The following CUL3 variants were observed in gnomAD, a reference collection of about 807,000 sequenced individuals.
The protein encoded by CUL3 is cullin-3.
Under a neutral mutation model 89.1 loss-of-function variants are expected in CUL3, and 19 were observed. That is an observed-to-expected ratio of 0.21 (90% confidence interval 0.15 to 0.31). CUL3 has a LOEUF of 0.31. Among genes scored for constraint, CUL3 ranks in the 10% least tolerant of loss-of-function variants. The pLI, the probability that CUL3 is intolerant of heterozygous loss-of-function variation, is 1.00. For missense variants in CUL3, 469 were observed against 942.3 expected, an observed-to-expected ratio of 0.50 and a Z score of 6.58; for synonymous variants, 351 against 308.4, an observed-to-expected ratio of 1.14 and a Z score of -1.45.
At chr2:224,564,919 A>G (rs1293218340) in intron 1 of CUL3, among the ~76,000 whole-genome samples, 3 of 152,230 alleles carry the variant, frequency 2.0e-5, no homozygotes, top group Admixed American at 2.0e-4. Context: ...TATACAAGCT[A>G]GAAACATAAG....
intron 13 of CUL3, among the ~76,000 whole-genome samples, chr2:224,486,512 A>C (rs1654098399): frequency 6.6e-6 from 1 of 152,032 alleles, no homozygotes; most frequent in Admixed American, 6.5e-5. Flanking sequence ...AGAAGAAAGG[A>C]TATCAAAGAC....
At chr2:224,477,203 A>G (rs1691354115) in intron 15 of CUL3, among the ~76,000 whole-genome samples, 1 of 152,300 alleles carries the variant, frequency 6.6e-6, no homozygotes, top group East Asian at 1.9e-4. Context: ...AGCTCGTGTT[A>G]AAAAACCAGA....
intron 1 of CUL3, among the ~76,000 whole-genome samples, chr2:224,581,714 C>T (rs971421649): frequency 6.6e-6 from 1 of 151,818 alleles, no homozygotes; most frequent in Non-Finnish European, 1.5e-5. Flanking sequence ...GTTGGCCAGG[C>T]TGGTCTCCAA....
chr2:224,581,489 C>G (rs981702115), intron 1 of CUL3, among the ~76,000 whole-genome samples: 1 of 149,638 alleles, frequency 6.7e-6, no homozygotes, highest in Non-Finnish European at 1.5e-5. Context: ...ACATCTTAAA[C>G]ATATATAATT....
chr2:224,536,779 C>G (rs1248558177), intron 2 of CUL3, among the ~76,000 whole-genome samples: 1 of 152,126 alleles, frequency 6.6e-6, no homozygotes, highest in Non-Finnish European at 1.5e-5. Context: ...TGTTATTGAC[C>G]ACTACTCTTT....
chr2:224,561,077 G>C (rs960526344), intron 1 of CUL3, among the ~76,000 whole-genome samples: 3 of 152,108 alleles, frequency 2.0e-5, no homozygotes, highest in Non-Finnish European at 4.4e-5. Flanking sequence ...TACAGTAACA[G>C]CCTCACCTCA....
At chr2:224,537,271 C>A (rs558534072) in intron 2 of CUL3, among the ~76,000 whole-genome samples, 178 of 152,212 alleles carry the variant, frequency 1.2e-3, no homozygotes, top group African/African-American at 4.1e-3. Context: ...AAAACAGAAT[C>A]TTTTCCTACA....
chr2:224,551,613 G>C (rs1001068100), intron 2 of CUL3, among the ~76,000 whole-genome samples: 5 of 151,764 alleles, frequency 3.3e-5, no homozygotes, highest in Non-Finnish European at 2.9e-5. Context: ...CAAAGTGCTA[G>C]GATTATAGGC....
At chr2:224,578,556 AAAAT>A in intron 1 of CUL3, among the ~76,000 whole-genome samples, 1 of 152,274 alleles carries the variant, frequency 6.6e-6, no homozygotes, top group Admixed American at 6.5e-5. Flanking sequence ...AAAAGCTACT[AAAAT>A]AAATTCATTG....
chr2:224,571,234 T>C (rs1220682882), intron 1 of CUL3, among the ~76,000 whole-genome samples: 1 of 152,146 alleles, frequency 6.6e-6, no homozygotes, highest in Non-Finnish European at 1.5e-5. Flanking sequence ...TTACAGACCC[T>C]CTATATTAAG....
At chr2:224,564,241 G>C (rs1274727001) in intron 1 of CUL3, among the ~76,000 whole-genome samples, 1 of 152,146 alleles carries the variant, frequency 6.6e-6, no homozygotes, top group Non-Finnish European at 1.5e-5. Flanking sequence ...TGACATTGTG[G>C]CACTGTACTC....
intron 2 of CUL3, among the ~76,000 whole-genome samples, chr2:224,544,835 G>C (rs1298248437): frequency 6.6e-6 from 1 of 151,012 alleles, no homozygotes; most frequent in Non-Finnish European, 1.5e-5. Flanking sequence ...AAGCTTCATG[G>C]CTCTTTCCCT....
chr2:224,502,118 G>A (rs756147912), intron 10 of CUL3, among the ~76,000 whole-genome samples: 1 of 152,058 alleles, frequency 6.6e-6, no homozygotes, highest in Admixed American at 6.6e-5. Context: ...TGTTTTCATA[G>A]AAATGAATGG....
chr2:224,563,689 T>C (rs1694970983), intron 1 of CUL3, among the ~76,000 whole-genome samples: 1 of 152,316 alleles, frequency 6.6e-6, no homozygotes, highest in South Asian at 2.1e-4. Context: ...GCCATCCCAC[T>C]CAGGATGTGA....
At chr2:224,537,774 G>A (rs1266762018) in intron 2 of CUL3, among the ~76,000 whole-genome samples, 3 of 151,940 alleles carry the variant, frequency 2.0e-5, no homozygotes, top group South Asian at 4.1e-4. Flanking sequence ...TCTACATACC[G>A]CTATATTATA....
At chr2:224,512,790 T>C (rs1692883038) in intron 5 of CUL3, among the ~76,000 whole-genome samples, 2 of 152,224 alleles carry the variant, frequency 1.3e-5, no homozygotes, top group Admixed American at 1.3e-4. Flanking sequence ...TGTGAATTTA[T>C]AGTACTTAAA....
chr2:224,529,459 T>TA (rs1693605162), intron 3 of CUL3, among the ~76,000 whole-genome samples: 1 of 50,054 alleles, frequency 2.0e-5, no homozygotes, highest in Non-Finnish European at 3.5e-5. Context: ...CTACTAAAAA[T>TA]ACAAAAAAAA....
chr2:224,565,416 T>C (rs1695019890), intron 1 of CUL3, among the ~76,000 whole-genome samples: 1 of 152,068 alleles, frequency 6.6e-6, no homozygotes, highest in Non-Finnish European at 1.5e-5. Context: ...GAGGGAGAGG[T>C]AGAAAGGGAG....
Position 224,507,021 on chromosome 2 carries a change from C to T in CUL3, c.884-18G>A. 6.2e-7 allele frequency: 1 copy of T among 1,603,354 alleles called. No homozygotes were observed. Among genetic ancestry groups the T allele is most frequent in the Non-Finnish European group, 8.5e-7 (1 of 1,175,944 alleles). On this transcript the variant is annotated intron_variant, in intron 6 of 15. Coordinates refer to ENST00000264414, the MANE Select transcript of CUL3 (RefSeq NM_003590.5). ...ACCAAGGTCTACAAATCAGAAAACA[C>T]AAATTGGCTACATTAAAGATTAAAG...
Sources: gnomAD v4.1 joint callset for allele counts (sites outside exome capture counted in the v4.1 genomes callset) on GRCh38, gnomAD v4.1.1 for gene constraint, MANE v1.5 for transcripts, NCBI Gene and HGNC (gene_info 2026-07-23, HGNC 2026-07-21) for gene names.